The following GPHN variants were observed in gnomAD, a reference collection of about 807,000 sequenced individuals.
The protein encoded by GPHN is gephyrin.
GPHN carries 17 observed loss-of-function variants against 95.5 expected under a neutral mutation model. The observed-to-expected ratio is 0.18, with a 90% CI of 0.12 to 0.27. GPHN has a LOEUF of 0.27. GPHN is among the 10% of genes least tolerant of loss of function. The pLI is 1.00. For missense variants in GPHN, 660 were observed against 978.1 expected (o/e 0.67, Z 4.34); for synonymous variants, 320 against 322.5 (o/e 0.99, Z 0.08).
intron 5 of GPHN, among the ~76,000 whole-genome samples, chr14:66,894,622 G>T (rs2064726573): frequency 6.6e-6 from 1 of 151,968 alleles, no homozygotes; most frequent in Non-Finnish European, 1.5e-5. Flanking sequence ...TCTGACAAAG[G>T]GCTAATATCC....
chr14:66,971,317 A>G (rs1410910757), intron 9 of GPHN, among the ~76,000 whole-genome samples: 2 of 152,194 alleles, frequency 1.3e-5, no homozygotes, highest in Non-Finnish European at 2.9e-5. Context: ...AACGAGAACG[A>G]AACTCCATCT....
At chr14:67,458,492 A>G in the GPHN span, among the ~76,000 whole-genome samples, 6 of 152,300 alleles carry the variant, frequency 3.9e-5, no homozygotes, top group East Asian at 9.7e-4. Context: ...TTTGGGTAAC[A>G]TATTGTTCTT....
intron 11 of GPHN, among the ~76,000 whole-genome samples, chr14:67,077,334 G>A (rs940426466): frequency 2.6e-5 from 4 of 152,052 alleles, no homozygotes; most frequent in East Asian, 3.9e-4. Flanking sequence ...TAAGCATCCC[G>A]AGCACATGTA....
chr14:66,629,578 A>T (rs997363118), intron 1 of GPHN, among the ~76,000 whole-genome samples: 2 of 152,182 alleles, frequency 1.3e-5, no homozygotes, highest in Non-Finnish European at 2.9e-5. Context: ...TGCAAAAACC[A>T]GTAACATAAT....
At chr14:67,102,196 A>G (rs2077747814) in intron 13 of GPHN, among the ~76,000 whole-genome samples, 1 of 151,982 alleles carries the variant, frequency 6.6e-6, no homozygotes, top group African/African-American at 2.4e-5. Context: ...TTTAAGAGGA[A>G]ATAGCATCTG....
intron 1 of GPHN, among the ~76,000 whole-genome samples, chr14:66,586,662 G>A (rs551092391): frequency 3.9e-5 from 6 of 152,126 alleles, no homozygotes; most frequent in Non-Finnish European, 7.3e-5. Context: ...AGTTTGGCTG[G>A]ATATGAAATT....
At chr14:67,610,298 G>A in the GPHN span, among the ~76,000 whole-genome samples, 1 of 152,092 alleles carries the variant, frequency 6.6e-6, no homozygotes, top group Non-Finnish European at 1.5e-5. Flanking sequence ...TTTTTGTTGT[G>A]TATATTCTAG....
At chr14:66,942,928 A>AT (rs2067515111) in intron 8 of GPHN, among the ~76,000 whole-genome samples, 1 of 152,188 alleles carries the variant, frequency 6.6e-6, no homozygotes, top group South Asian at 2.1e-4. Flanking sequence ...TGAATTATTT[A>AT]TTTTGCCAAA....
At chr14:67,533,335 G>A in the GPHN span, 20 of 151,540 alleles carry the variant, frequency 1.3e-4, no homozygotes, top group African/African-American at 4.3e-4. Flanking sequence ...GGTCGGCTGC[G>A]GCGGCGGCCC....
chr14:67,469,667 G>C, the GPHN span, among the ~76,000 whole-genome samples: 3 of 151,922 alleles, frequency 2.0e-5, no homozygotes, highest in Non-Finnish European at 2.9e-5. Context: ...GGTGGTGGTG[G>C]TGGTGGGAGG....
At chr14:66,747,112 A>T (rs1595767987) in intron 2 of GPHN, among the ~76,000 whole-genome samples, 1 of 152,184 alleles carries the variant, frequency 6.6e-6, no homozygotes, top group African/African-American at 2.4e-5. Context: ...AGGAAAATAA[A>T]TGTTAAACTC....
At chr14:66,986,321 T>TTTTA (rs2071027688) in intron 9 of GPHN, among the ~76,000 whole-genome samples, 1 of 151,182 alleles carries the variant, frequency 6.6e-6, no homozygotes, top group Non-Finnish European at 1.5e-5. Flanking sequence ...ATCCCCTCTG[T>TTTTA]TTTATTTTTT....
intron 2 of GPHN, among the ~76,000 whole-genome samples, chr14:66,708,715 A>G (rs2069332760): frequency 6.6e-6 from 1 of 152,102 alleles, no homozygotes; most frequent in Non-Finnish European, 1.5e-5. Context: ...AGTATGCCAA[A>G]GTGTGAATAT....
chr14:67,674,155 G>A, the GPHN span, among the ~76,000 whole-genome samples: 4 of 152,334 alleles, frequency 2.6e-5, no homozygotes, highest in African/African-American at 9.6e-5. Context: ...GAGAAAATGT[G>A]GAAGGCCATA....
At chr14:67,517,183 CT>C in the GPHN span, among the ~76,000 whole-genome samples, 2 of 152,184 alleles carry the variant, frequency 1.3e-5, no homozygotes, top group Non-Finnish European at 2.9e-5. Context: ...GCAGCAAGGC[CT>C]ACCTGATGAA....
chr14:67,363,444 A>G, the GPHN span, among the ~76,000 whole-genome samples: 1 of 152,304 alleles, frequency 6.6e-6, no homozygotes, highest in East Asian at 1.9e-4. Flanking sequence ...GGCACTGAAT[A>G]TATATTAATG....
the GPHN span, chr14:67,386,170 AAAAC>A: frequency 6.6e-6 from 1 of 152,664 alleles, no homozygotes; most frequent in Admixed American, 6.5e-5. Flanking sequence ...GCAAAACAAA[AAAAC>A]TAATTCCAGG....
intron 5 of GPHN, among the ~76,000 whole-genome samples, chr14:66,907,092 T>C (rs1474162664): frequency 6.6e-6 from 1 of 152,178 alleles, no homozygotes; most frequent in African/African-American, 2.4e-5. Context: ...AACCAATTTA[T>C]GTGAAAACTT....
At chr14:67,729,220 C>A in the GPHN span, 1 of 1,612,148 alleles carries the variant, frequency 6.2e-7, no homozygotes. Context: ...CGCAGTGCAC[C>A]CAGGCGTCGT....
Sources: gnomAD v4.1 joint callset for allele counts (sites outside exome capture counted in the v4.1 genomes callset) on GRCh38, gnomAD v4.1.1 for gene constraint, MANE v1.5 for transcripts, NCBI Gene and HGNC (gene_info 2026-07-23, HGNC 2026-07-21) for gene names.